TBCD: variants seen among roughly 807,000 people sequenced by gnomAD.
The protein encoded by TBCD is tubulin-specific chaperone D.
TBCD carries 105 observed loss-of-function variants against 169.3 expected under a neutral mutation model. The observed-to-expected ratio is 0.62, with a 90% CI of 0.53 to 0.73. TBCD has a LOEUF of 0.73. Ranked by LOEUF, TBCD falls within the 30% of genes least tolerant of loss-of-function variation. TBCD has a pLI of 0.00. For synonymous variants in TBCD, 700 were observed against 643.9 expected (o/e 1.09, Z -1.32); for missense variants, 1,444 against 1,600.1 (o/e 0.90, Z 1.66).
intron 1 of TBCD, 87 bp downstream of exon 1, chr17:82,752,464 C>T: frequency 2.8e-6 from 3 of 1,052,942 alleles, no homozygotes; most frequent in Non-Finnish European, 3.5e-6. Context: ...GACCGCAGCC[C>T]GGCGGCGCCG....
At chr17:82,918,778 C>G (rs1054604149) in intron 23 of TBCD, 1 of 152,196 alleles carries the variant, frequency 6.6e-6, no homozygotes, top group African/African-American at 2.4e-5. Context: ...ATTTAAAGTT[C>G]ACATGCAGGT....
At chr17:82,927,643 G>A (rs1452646129) in intron 29 of TBCD, among the ~76,000 whole-genome samples, 1 of 152,098 alleles carries the variant, frequency 6.6e-6, no homozygotes, top group Non-Finnish European at 1.5e-5. Flanking sequence ...TTGCTGTAGT[G>A]GGATTGATAA....
At chr17:82,940,471 C>T (rs545479471) in intron 37 of TBCD, among the ~76,000 whole-genome samples, 8 of 152,188 alleles carry the variant, frequency 5.3e-5, no homozygotes, top group African/African-American at 1.4e-4. Context: ...CCAGCAAGGA[C>T]GTAGGTGACG....
chr17:82,828,021 A>G (rs2053047670), intron 13 of TBCD, among the ~76,000 whole-genome samples: 1 of 149,722 alleles, frequency 6.7e-6, no homozygotes. Context: ...AGATATGTAC[A>G]CGTGGACACG....
At chr17:82,846,342 C>T (rs2055107267) in intron 13 of TBCD, among the ~76,000 whole-genome samples, 1 of 151,352 alleles carries the variant, frequency 6.6e-6, no homozygotes, top group African/African-American at 2.4e-5. Context: ...CTCGTCCAGC[C>T]CTCTGCTGCC....
At position 82,781,731 on chromosome 17, in the gene TBCD, G is replaced by C. The variant is rs779655811; in HGVS notation, c.771+10G>C. On this transcript the variant is annotated intron_variant, in intron 7 of 38. Coordinates refer to ENST00000355528, the MANE Select transcript of TBCD (RefSeq NM_005993.5). ...GACGCTGCAGGCCCTGGTAAGTGCT[G>C]CCCGCAGGGGCTGTGGAGATCGCAG... The C allele has an allele frequency of 6.2e-7, 1 of 1,613,052 alleles. No individual in the cohort carries two copies. The highest frequency in any genetic ancestry group is 1.7e-5 in the Admixed American group (1 of 59,974).
rs1053542602 is a variant in TBCD at position 82,880,009 on chromosome 17, C to T, written c.1476-4136C>T. Among the ~76,000 whole-genome samples the T allele has an allele frequency of 2.0e-5, 3 of 152,112 alleles. No individual in the cohort carries two copies. The highest frequency in any genetic ancestry group is 7.2e-5 in the African/African-American group (3 of 41,398). On this transcript the variant is annotated intron_variant, in intron 14 of 38. Coordinates refer to ENST00000355528, the MANE Select transcript of TBCD (RefSeq NM_005993.5). This position sits in a 1 kb window ranked among gnomAD's most constrained non-coding sequence, Gnocchi z 5.0. ...GGGCTCAAGGGAAGACTCTGCTTCC[C>T]TGCTTGAGTTGCCCGCATTCCTTTG...
At chr17:82,814,964 T>A in intron 13 of TBCD, 30 bp downstream of exon 13, 1 of 1,606,660 alleles carries the variant, frequency 6.2e-7, no homozygotes, top group Non-Finnish European at 8.5e-7. Context: ...TCAGGGGGGA[T>A]GTCTGGCGCT....
chr17:82,809,803 A>T (rs771252164), intron 12 of TBCD, 21 bp downstream of exon 12: 1 of 1,611,070 alleles, frequency 6.2e-7, no homozygotes, highest in South Asian at 1.1e-5. Flanking sequence ...AGAGCAGGGG[A>T]GGCGTGTGGG....
In TBCD at chr17:82,927,071, C is replaced by A. The variant is rs2061820528; in HGVS notation, c.2472-115C>A. On this transcript the variant is annotated intron_variant, in intron 28 of 38. Coordinates refer to ENST00000355528, the MANE Select transcript of TBCD (RefSeq NM_005993.5). ...CTGTGTTTCTGATCTACCCGAGGGTCCTGGACTGTTCTGAGCGTGTCTTCT... is the reference window on the plus strand; with the variant it reads ...CTGTGTTTCTGATCTACCCGAGGGTACTGGACTGTTCTGAGCGTGTCTTCT... The A allele has an allele frequency of 7.5e-6, 11 of 1,463,996 alleles. No homozygotes were observed. The South Asian group carries it at 1.3e-4, about 17-fold the overall frequency. 90.7% of individuals were successfully genotyped at this position (1,463,996 alleles called of 1,614,324 possible).
At chr17:82,797,952 A>C (rs1598555350) in intron 8 of TBCD, 150 bp downstream of exon 8, 2 of 164,630 alleles carry the variant, frequency 1.2e-5, no homozygotes, top group Non-Finnish European at 2.2e-5. Flanking sequence ...TGTGGGTTTT[A>C]GTAACTGAAC....
At chr17:82,882,983 C>G (rs1024442710) in intron 14 of TBCD, among the ~76,000 whole-genome samples, 5 of 152,208 alleles carry the variant, frequency 3.3e-5, no homozygotes, top group Admixed American at 6.5e-5. Flanking sequence ...CCCGCCCTAC[C>G]GGGCTGGAGC....
intron 7 of TBCD, chr17:82,795,530 C>G: frequency 1.0e-6 from 1 of 985,606 alleles, no homozygotes; most frequent in Non-Finnish European, 1.2e-6. Flanking sequence ...CCCAGGTTCT[C>G]CATCCAGCTG....
rs546016703 is a variant in TBCD at position 82,781,897 on chromosome 17, A to G, written c.771+176A>G. Among the ~76,000 whole-genome samples the G allele has an allele frequency of 3.3e-5, 5 of 152,316 alleles. 1 individual carries two copies. The South Asian group carries it at 1.0e-3, about 32-fold the overall frequency. ...TTCCCTCTGCTTTGGGTCCTGCCTC[A>G]GGCAGGGCTGGTTTCTGCGCTGGTG... On this transcript the variant is annotated intron_variant, in intron 7 of 38. Transcript: ENST00000355528.
chr17:82,940,480 C>T (rs1364059671), intron 37 of TBCD, among the ~76,000 whole-genome samples: 1 of 152,178 alleles, frequency 6.6e-6, no homozygotes, highest in African/African-American at 2.4e-5. Context: ...ACGTAGGTGA[C>T]GTTCCCTAGG....
chr17:82,893,921 T>G (rs1271854304), intron 17 of TBCD, among the ~76,000 whole-genome samples: 1 of 152,230 alleles, frequency 6.6e-6, no homozygotes, highest in Non-Finnish European at 1.5e-5. Flanking sequence ...TCTCTGCTTA[T>G]GATTTTTCTC....
Position 82,915,240 on chromosome 17 carries a change from G to C in TBCD, c.2038+3451G>C, listed in dbSNP as rs1401756851. 7.9e-5 allele frequency among the ~76,000 whole-genome samples: 12 copies of C among 152,166 alleles called. No individual in the cohort carries two copies. Among genetic ancestry groups the C allele is most frequent in the Admixed American group, 5.9e-4 (9 of 15,288 alleles). ...TGACATGCCGCCCGCAGGAGCATCA[G>C]GTGCGCCCTGGCCGCAGGTGCCCCG... On this transcript the variant is annotated intron_variant, in intron 23 of 38. Transcript: ENST00000355528. The surrounding 1 kb of genome is among the most constrained non-coding windows in gnomAD (Gnocchi z 4.3).
At chr17:82,768,979 GTTGT>G (rs1454182397) in intron 5 of TBCD, among the ~76,000 whole-genome samples, 9 of 152,202 alleles carry the variant, frequency 5.9e-5, no homozygotes, top group South Asian at 2.1e-4. Context: ...CAAGAGATAA[GTTGT>G]TTATTTTCTC....
Position 82,799,648 on chromosome 17 carries a change from A to G in TBCD, c.818-1216A>G, listed in dbSNP as rs113083226. On this transcript the variant is annotated intron_variant, in intron 8 of 38. Coordinates refer to ENST00000355528, the MANE Select transcript of TBCD (RefSeq NM_005993.5). ...CCGCACAGGAGGGACACACAGTGCC[A>G]TCTCACCTGTGTGTACTTCCATACA... Among the ~76,000 whole-genome samples, 134 of 152,276 alleles carry G rather than the reference A, an allele frequency of 8.8e-4. 2 individuals are homozygous for G. The Middle Eastern group carries it at 0.01, about 12-fold the overall frequency.
Sources: gnomAD v4.1 joint callset for allele counts (sites outside exome capture counted in the v4.1 genomes callset) on GRCh38, gnomAD v4.1.1 for gene constraint, Gnocchi (gnomAD v3.1) non-coding constraint, MANE v1.5 for transcripts, NCBI Gene and HGNC (gene_info 2026-07-23, HGNC 2026-07-21) for gene names.